The following MCTP1 variants were observed in gnomAD, a reference collection of about 807,000 sequenced individuals.
MCTP1 encodes multiple C2 and transmembrane domain containing 1.
In MCTP1, 69 loss-of-function variants were observed where a neutral mutation model predicts 120.6. The ratio of observed to expected loss-of-function variants is 0.57; its 90% CI spans 0.47 to 0.70. The LOEUF is 0.70. MCTP1 is among the 30% of genes least tolerant of loss of function. MCTP1 has a pLI of 0.00. For missense variants in MCTP1, 1,203 were observed against 1,248.8 expected (o/e 0.96, Z 0.55); for synonymous variants, 529 against 493.1 (o/e 1.07, Z -0.96).
At chr5:95,006,602 G>T (rs1398568733) in intron 2 of MCTP1, among the ~76,000 whole-genome samples, 1 of 152,116 alleles carries the variant, frequency 6.6e-6, no homozygotes, top group African/African-American at 2.4e-5. Context: ...TTCAATTCAT[G>T]ATTTTAGCAC....
At position 95,017,392 on chromosome 5, in the gene MCTP1, T is replaced by C. The variant is rs375371471; in HGVS notation, c.813A>G (p.Gln271=). The change falls in exon 2 of 23, where the codon CAA becomes CAG. Residue 271 remains glutamine (Q), a synonymous_variant. Transcript: ENST00000515393. ...YQLDITLRRG[Q]SLAARDRGGT... ...CTCCTCGATCTCGAGCAGCTAAACT[T>C]TGACCCCTTCTTAATGTAATGTCCA... is the stretch of plus-strand genomic sequence containing the variant. 3 of 1,609,128 alleles carry C rather than the reference T, an allele frequency of 1.9e-6. No homozygotes were observed. The highest frequency in any genetic ancestry group is 1.3e-5 in the African/African-American group (1 of 74,748).
intron 12 of MCTP1, among the ~76,000 whole-genome samples, chr5:94,886,285 A>G (rs1801310714): frequency 6.6e-6 from 1 of 152,248 alleles, no homozygotes; most frequent in Admixed American, 6.5e-5. Flanking sequence ...TGTTGTAACA[A>G]AAGAAAAATT....
At chr5:94,874,652 C>T (rs565298367) in intron 12 of MCTP1, among the ~76,000 whole-genome samples, 2 of 151,982 alleles carry the variant, frequency 1.3e-5, no homozygotes, top group South Asian at 2.1e-4. Flanking sequence ...ATCTTTTTTT[C>T]CTCCAATCGT....
chr5:95,053,607 T>C (rs1484536928), intron 1 of MCTP1, among the ~76,000 whole-genome samples: 2 of 152,120 alleles, frequency 1.3e-5, no homozygotes, highest in African/African-American at 2.4e-5. Context: ...TTATTTGTGT[T>C]AGAAAGAAAA....
At chr5:94,724,978 A>AGT in intron 19 of MCTP1, among the ~76,000 whole-genome samples, 1 of 152,164 alleles carries the variant, frequency 6.6e-6, no homozygotes, top group South Asian at 2.1e-4. Context: ...AAAAAAAGTA[A>AGT]CAAAGGCTAC....
At chr5:95,041,311 G>GAAAAA (rs58379749) in intron 1 of MCTP1, among the ~76,000 whole-genome samples, 10 of 89,774 alleles carry the variant, frequency 1.1e-4, no homozygotes, top group South Asian at 3.4e-4. Flanking sequence ...CCCATGCTCT[G>GAAAAA]AAAAAAAAAA....
At chr5:95,171,740 T>C (rs1175679184) in intron 1 of MCTP1, among the ~76,000 whole-genome samples, 3 of 151,038 alleles carry the variant, frequency 2.0e-5, no homozygotes, top group African/African-American at 7.2e-5. Flanking sequence ...GTAGTTCTCA[T>C]GCCATGGTTT....
chr5:94,974,834 A>C (rs937034492), intron 2 of MCTP1, among the ~76,000 whole-genome samples: 21 of 152,164 alleles, frequency 1.4e-4, no homozygotes, highest in Admixed American at 4.6e-4. Flanking sequence ...ATTAATTACT[A>C]TCATTAACTG....
intron 3 of MCTP1, among the ~76,000 whole-genome samples, chr5:94,947,617 G>GAGAT (rs1819440481): frequency 7.9e-6 from 1 of 127,246 alleles, no homozygotes; most frequent in Non-Finnish European, 1.7e-5. Flanking sequence ...GAGAGAGAGA[G>GAGAT]AGAGAAAGAG....
intron 1 of MCTP1, among the ~76,000 whole-genome samples, chr5:95,115,995 GA>G (rs144558279): frequency 4.7e-4 from 68 of 143,616 alleles, no homozygotes; most frequent in African/African-American, 1.2e-3. Context: ...AGTGCTAAAG[GA>G]AAAAAAAAAA....
intron 7 of MCTP1, 67 bp downstream of exon 7, chr5:94,923,895 G>C: frequency 1.1e-6 from 1 of 943,936 alleles, no homozygotes; most frequent in Non-Finnish European, 1.6e-6. Flanking sequence ...TAGTTGCCAT[G>C]TAACTTTCAA....
chr5:94,856,267 T>C (rs1794712780), intron 17 of MCTP1, among the ~76,000 whole-genome samples: 1 of 151,724 alleles, frequency 6.6e-6, no homozygotes, highest in African/African-American at 2.4e-5. Flanking sequence ...ACATTTCTCT[T>C]CTATAAAGGA....
intron 2 of MCTP1, among the ~76,000 whole-genome samples, chr5:94,989,070 A>G (rs1830997615): frequency 6.6e-6 from 1 of 152,106 alleles, no homozygotes. Flanking sequence ...CATATCAAAG[A>G]GTATTTTCAT....
intron 18 of MCTP1, among the ~76,000 whole-genome samples, chr5:94,787,102 A>C (rs1333250755): frequency 6.8e-6 from 1 of 147,018 alleles, no homozygotes; most frequent in Non-Finnish European, 1.5e-5. Flanking sequence ...TTTTGGACTC[A>C]ATGATGATTT....
chr5:94,763,253 C>G (rs1471255455), intron 19 of MCTP1, among the ~76,000 whole-genome samples: 1 of 152,198 alleles, frequency 6.6e-6, no homozygotes, highest in Non-Finnish European at 1.5e-5. Flanking sequence ...TTCATCATAA[C>G]AATTCTCTCC....
chr5:95,218,611 C>T (rs1753308051), intron 1 of MCTP1, among the ~76,000 whole-genome samples: 1 of 152,174 alleles, frequency 6.6e-6, no homozygotes, highest in African/African-American at 2.4e-5. Flanking sequence ...TTCTCAGGGA[C>T]TGAGCTCCAG....
chr5:94,899,422 G>A (rs778099219), intron 10 of MCTP1, among the ~76,000 whole-genome samples: 2 of 152,134 alleles, frequency 1.3e-5, no homozygotes, highest in Non-Finnish European at 2.9e-5. Flanking sequence ...CCTAGGGCTG[G>A]CTGATCTTTC....
chr5:95,068,933 AGGGGAAGATTGTGAGCAGGT>A (rs1007184540), intron 1 of MCTP1: 5 of 428,310 alleles, frequency 1.2e-5, no homozygotes, highest in Non-Finnish European at 1.4e-5. Flanking sequence ...GCTTAGTTCC[AGGGGAAGATTGTGAGCAGGT>A]ATCTTTTTTT....
At chr5:94,924,935 T>C (rs2153465914) in intron 6 of MCTP1, among the ~76,000 whole-genome samples, 1 of 152,342 alleles carries the variant, frequency 6.6e-6, no homozygotes, top group Admixed American at 6.5e-5. Context: ...ATTTAGGACT[T>C]TGGTTTCTCT....
Sources: gnomAD v4.1 joint callset for allele counts (sites outside exome capture counted in the v4.1 genomes callset) on GRCh38, gnomAD v4.1.1 for gene constraint, MANE v1.5 for transcripts, NCBI Gene and HGNC (gene_info 2026-07-23, HGNC 2026-07-21) for gene names.